The following STRA8 variants were observed in gnomAD, a reference collection of about 807,000 sequenced individuals.
STRA8 encodes stimulated by retinoic acid gene 8 protein homolog.
STRA8 carries 18 observed loss-of-function variants against 37.1 expected under a neutral mutation model. The ratio of observed to expected loss-of-function variants is 0.48; its 90% CI spans 0.34 to 0.72. STRA8 has a LOEUF of 0.72. Ranked by LOEUF, STRA8 falls within the 30% of genes least tolerant of loss-of-function variation. The pLI, the probability that STRA8 is intolerant of heterozygous loss-of-function variation, is 0.01. For synonymous variants in STRA8, 168 were observed against 162.9 expected (o/e 1.03, Z -0.24); for missense variants, 357 against 410.4 (o/e 0.87, Z 1.13).
At chr7:135,238,622 G>T (rs993809854) in intron 1 of STRA8, among the ~76,000 whole-genome samples, 4 of 152,110 alleles carry the variant, frequency 2.6e-5, no homozygotes, top group Non-Finnish European at 5.9e-5. Flanking sequence ...CTTCCCACCC[G>T]CTTCCCTTTT....
chr7:135,233,816 C>A (rs1462097489), upstream of STRA8, among the ~76,000 whole-genome samples: 1 of 152,146 alleles, frequency 6.6e-6, no homozygotes, highest in African/African-American at 2.4e-5. Context: ...GTTTTCTGAC[C>A]CAGACAGGAA....
At chr7:135,254,727 G>A (rs955842098) in intron 7 of STRA8, among the ~76,000 whole-genome samples, 5 of 152,222 alleles carry the variant, frequency 3.3e-5, no homozygotes, top group Non-Finnish European at 7.3e-5. Context: ...GACCCACTGA[G>A]CAGTGGCAAC....
intron 3 of STRA8, 42 bp from the exon 4 acceptor site, chr7:135,243,284 T>A (rs763251190): frequency 6.2e-7 from 1 of 1,608,694 alleles, no homozygotes; most frequent in Non-Finnish European, 8.5e-7. Flanking sequence ...AACAGAGGCC[T>A]GACTTTTCTC....
rs756106579 is a variant in STRA8, at chr7:135,246,507, G to C, written c.684G>C (p.Ala228=). 3 of 1,576,584 alleles carry C rather than the reference G, an allele frequency of 1.9e-6. No homozygotes were observed. Among genetic ancestry groups the C allele is most frequent in the Non-Finnish European group, 2.6e-6 (3 of 1,160,928 alleles). The change falls in exon 6 of 9, where the codon GCG becomes GCC. Residue 228 remains alanine, a synonymous_variant. Coordinates refer to ENST00000662584, the MANE Select transcript of STRA8 (RefSeq NM_001394401.1). This position sits in a 1 kb window ranked among gnomAD's most constrained non-coding sequence, Gnocchi z 5.4. ...PQEAALPIVS[A]AISHLWQNLS... ...AGGCGGCGCTGCCCATCGTCTCCGCGGCCATCTCCCACCTGTGGCAGAACC... is the reference window on the plus strand; with the variant it reads ...AGGCGGCGCTGCCCATCGTCTCCGCCGCCATCTCCCACCTGTGGCAGAACC...
At chr7:135,248,837 T>C (rs1179857882) in intron 6 of STRA8, among the ~76,000 whole-genome samples, 1 of 152,234 alleles carries the variant, frequency 6.6e-6, no homozygotes, top group Non-Finnish European at 1.5e-5. Flanking sequence ...TTCAATGGCC[T>C]ACCAGCTACT....
chr7:135,247,049 G>A (rs1257804317), intron 6 of STRA8: 1 of 235,228 alleles, frequency 4.3e-6, no homozygotes, highest in African/African-American at 2.3e-5. Flanking sequence ...GTTTCACTGT[G>A]TTAGCCAGGA....
intron 1 of STRA8, among the ~76,000 whole-genome samples, chr7:135,234,593 G>A (rs987025513): frequency 9.9e-5 from 15 of 152,262 alleles, no homozygotes; most frequent in Admixed American, 5.2e-4. Flanking sequence ...AGAAGGTGAG[G>A]GCATTTTTTT....
rs1562971402 is a variant in STRA8, at chr7:135,246,548, A to AG, written c.727dup (p.Ala243GlyfsTer55). On this transcript the variant is annotated frameshift_variant, in exon 6 of 9. Transcript: ENST00000662584. LOFTEE classifies it high-confidence loss of function. This position sits in a 1 kb window ranked among gnomAD's most constrained non-coding sequence, Gnocchi z 5.4. ...TGGCAGAACCTCTCGGAGGAGAGGAAGGCCAGCCTCCGGCAGGCCTGGGCG... is the reference window on the plus strand; with the variant it reads ...TGGCAGAACCTCTCGGAGGAGAGGAAGGGCCAGCCTCCGGCAGGCCTGGGCG... The AG allele has an allele frequency of 6.4e-7, 1 of 1,570,516 alleles. No individual in the cohort carries two copies. Among genetic ancestry groups the AG allele is most frequent in the South Asian group, 1.2e-5 (1 of 85,576 alleles).
At chr7:135,244,891 C>G (rs6957423) in intron 4 of STRA8, among the ~76,000 whole-genome samples, 1,634 of 152,236 alleles carry the variant, frequency 0.011, 31 homozygotes, top group African/African-American at 0.037. Flanking sequence ...CATTTTATTC[C>G]TGATCAAGAG....
At chr7:135,247,618 C>T (rs1324403059) in intron 6 of STRA8, among the ~76,000 whole-genome samples, 1 of 152,218 alleles carries the variant, frequency 6.6e-6, no homozygotes, top group African/African-American at 2.4e-5. Context: ...AATGACTGGC[C>T]ATAGAGGGAA....
At chr7:135,254,747 T>C (rs573658500) in intron 7 of STRA8, among the ~76,000 whole-genome samples, 2 of 152,300 alleles carry the variant, frequency 1.3e-5, no homozygotes, top group African/African-American at 4.8e-5. Context: ...CTCAGTGAAC[T>C]GAACTCAAGA....
Position 135,242,773 on chromosome 7 carries a change from A to G in STRA8, c.193-8A>G, listed in dbSNP as rs1277300895. 2 of 1,613,974 alleles carry G rather than the reference A, an allele frequency of 1.2e-6. No individual in the cohort carries two copies. Among genetic ancestry groups the G allele is most frequent in the Non-Finnish European group, 1.7e-6 (2 of 1,179,926 alleles). On this transcript the variant is annotated splice_region_variant and splice_polypyrimidine_tract_variant and intron_variant, in intron 2 of 8. Coordinates refer to ENST00000662584, the MANE Select transcript of STRA8 (RefSeq NM_001394401.1). ...CTGGCTTTCAGCATTGTCTCTGTCT[A>G]TCCTCAGTGGCAGGTTCTGAATAAG...
chr7:135,251,440 G>A (rs919179281), intron 6 of STRA8, among the ~76,000 whole-genome samples: 14 of 152,124 alleles, frequency 9.2e-5, no homozygotes, highest in African/African-American at 1.4e-4. Context: ...TAATCTGTGC[G>A]CCTTGGGAAG....
At chr7:135,249,484 T>C (rs1585477641) in intron 6 of STRA8, among the ~76,000 whole-genome samples, 2 of 152,164 alleles carry the variant, frequency 1.3e-5, no homozygotes, top group East Asian at 3.8e-4. Context: ...CTCTGGAGGC[T>C]GAGGCAGGAT....
chr7:135,246,612 C>T lies in STRA8; in HGVS notation c.789C>T (p.Cys263=), dbSNP rs1832560983. Residue 263 remains cysteine (C), a synonymous_variant, in exon 6 of 9, where the codon TGC becomes TGT. Transcript: ENST00000662584. This position sits in a 1 kb window ranked among gnomAD's most constrained non-coding sequence, Gnocchi z 5.4. The part of the protein sequence containing the change: ...HRGPATLAEA[C]REPACAEGSV... ...GCCCTGCGACCCTGGCGGAGGCCTGCCGAGAGCCGGCCTGTGCCGAGGGCA... is the reference window on the plus strand; with the variant it reads ...GCCCTGCGACCCTGGCGGAGGCCTGTCGAGAGCCGGCCTGTGCCGAGGGCA... 17 of 1,541,312 alleles carry T rather than the reference C, an allele frequency of 1.1e-5. No individual in the cohort carries two copies. The highest frequency in any genetic ancestry group is 1.5e-5 in the Non-Finnish European group (17 of 1,146,092).
intron 6 of STRA8, among the ~76,000 whole-genome samples, chr7:135,250,571 C>G (rs142357423): frequency 1.3e-5 from 2 of 152,260 alleles, no homozygotes; most frequent in Admixed American, 1.3e-4. Context: ...AGGGCAGACA[C>G]CAATCCTCTT....
At chr7:135,232,866 C>A (rs1156373690), upstream of STRA8, among the ~76,000 whole-genome samples, 2 of 152,154 alleles carry the variant, frequency 1.3e-5, no homozygotes, top group African/African-American at 4.8e-5. Context: ...AAGCCTGTGA[C>A]CCCTGTTTCA....
In STRA8 at chr7:135,234,443, A is replaced by G. The variant is rs17168322; in HGVS notation, c.-7+540A>G. On this transcript the variant is annotated intron_variant, in intron 1 of 8. Transcript: ENST00000662584. Reference sequence around the variant, plus strand: ...TATTTTTACATAATTTGATATAGATAGAAAATCAAAGGAAGCTGTCTGTGG... The same window carrying G: ...TATTTTTACATAATTTGATATAGATGGAAAATCAAAGGAAGCTGTCTGTGG... 0.013 allele frequency among the ~76,000 whole-genome samples: 2,027 copies of G among 152,334 alleles called. 143 individuals are homozygous for G. In the East Asian group the frequency reaches 0.21, roughly 16 times the overall value.
upstream of STRA8, chr7:135,232,005 C>T: frequency 6.2e-7 from 1 of 1,614,058 alleles, no homozygotes; most frequent in South Asian, 1.1e-5. Context: ...TGGACAAGAT[C>T]CTCTTTTTCA....
Sources: gnomAD v4.1 joint callset for allele counts (sites outside exome capture counted in the v4.1 genomes callset) on GRCh38, gnomAD v4.1.1 for gene constraint, Gnocchi (gnomAD v3.1) non-coding constraint, MANE v1.5 for transcripts, NCBI Gene and HGNC (gene_info 2026-07-23, HGNC 2026-07-21) for gene names.